PAPPA2: variants seen among roughly 807,000 people sequenced by gnomAD.
PAPPA2 encodes pappalysin-2.
PAPPA2 carries 86 observed loss-of-function variants against 176.4 expected under a neutral mutation model. The observed-to-expected ratio is 0.49, with a 90% CI of 0.41 to 0.58. The LOEUF (loss-of-function observed/expected upper bound fraction) is 0.58, where lower values mean the gene tolerates loss of function less well. Among genes scored for constraint, PAPPA2 ranks in the 20% least tolerant of loss-of-function variants. PAPPA2 has a pLI of 0.00. For missense variants in PAPPA2, 2,073 were observed against 2,256.9 expected, an observed-to-expected ratio of 0.92 and a Z score of 1.65; for synonymous variants, 809 against 852.2, an observed-to-expected ratio of 0.95 and a Z score of 0.88.
intron 2 of PAPPA2, among the ~76,000 whole-genome samples, chr1:176,575,416 C>T (rs914098230): frequency 3.3e-5 from 5 of 152,124 alleles, no homozygotes; most frequent in South Asian, 4.1e-4. Flanking sequence ...CATGTCTTAC[C>T]TCTGAAATCC....
chr1:176,556,040 C>T lies in PAPPA2; in HGVS notation c.-283C>T, dbSNP rs992592860. 1.4e-5 allele frequency: 5 copies of T among 350,394 alleles called. No individual in the cohort carries two copies. The highest frequency in any genetic ancestry group is 2.6e-5 in the Non-Finnish European group (5 of 194,432). 21.7% of individuals were successfully genotyped at this position (350,394 alleles called of 1,614,324 possible). ...CAAAGGAACCAAGAGAAATTAACTT[C>T]GTTCTGCAAGGACTAAAGTACAGCA... On this transcript the variant is annotated 5_prime_UTR_variant, in exon 2 of 23. Coordinates refer to ENST00000367662, the MANE Select transcript of PAPPA2 (RefSeq NM_020318.3).
At chr1:176,466,598 A>G (rs1161177775) in intron 1 of PAPPA2, among the ~76,000 whole-genome samples, 1 of 152,196 alleles carries the variant, frequency 6.6e-6, no homozygotes, top group East Asian at 1.9e-4. Flanking sequence ...AGTGCTTTAG[A>G]AATCAGGGAA....
chr1:176,571,173 C>G (rs1652306799), intron 2 of PAPPA2, among the ~76,000 whole-genome samples: 1 of 152,174 alleles, frequency 6.6e-6, no homozygotes, highest in South Asian at 2.1e-4. Context: ...CCAGAATGAA[C>G]CATGTTCCTT....
intron 3 of PAPPA2, among the ~76,000 whole-genome samples, chr1:176,631,483 C>G (rs1187068300): frequency 6.6e-6 from 1 of 152,098 alleles, no homozygotes; most frequent in Admixed American, 6.5e-5. Context: ...GCACACATCT[C>G]TCAATGCACT....
chr1:176,651,890 A>G (rs565539923), intron 3 of PAPPA2, among the ~76,000 whole-genome samples: 2 of 149,044 alleles, frequency 1.3e-5, no homozygotes, highest in South Asian at 2.1e-4. Context: ...TGAGCTCACT[A>G]TTTTTTTTCC....
intron 1 of PAPPA2, among the ~76,000 whole-genome samples, chr1:176,519,689 A>G (rs1244951700): frequency 2.0e-5 from 3 of 152,222 alleles, no homozygotes; most frequent in Non-Finnish European, 4.4e-5. Flanking sequence ...ATGACTGCCT[A>G]TCACCTGTCC....
At chr1:176,587,214 A>G (rs1040535943) in intron 2 of PAPPA2, among the ~76,000 whole-genome samples, 1 of 152,100 alleles carries the variant, frequency 6.6e-6, no homozygotes, top group Admixed American at 6.5e-5. Flanking sequence ...GATAGACTGC[A>G]AAAATTTTCA....
At chr1:176,768,306 A>G (rs545966664) in intron 15 of PAPPA2, among the ~76,000 whole-genome samples, 5 of 151,804 alleles carry the variant, frequency 3.3e-5, no homozygotes, top group Admixed American at 6.6e-5. Flanking sequence ...ATTCTGTGGA[A>G]CTTCTCCTAC....
intron 16 of PAPPA2, 49 bp downstream of exon 16, chr1:176,769,833 C>T (rs369154567): frequency 2.3e-5 from 35 of 1,522,510 alleles, no homozygotes; most frequent in Admixed American, 8.6e-5. Flanking sequence ...TGCCATCCCT[C>T]GCTCTTGAGG....
At chr1:176,493,250 AC>A (rs1647390273) in intron 1 of PAPPA2, among the ~76,000 whole-genome samples, 1 of 152,280 alleles carries the variant, frequency 6.6e-6, no homozygotes, top group African/African-American at 2.4e-5. Flanking sequence ...CCTACTCTGC[AC>A]CCCTGAATCT....
chr1:176,598,409 C>T (rs1415749559), intron 3 of PAPPA2, among the ~76,000 whole-genome samples: 1 of 152,188 alleles, frequency 6.6e-6, no homozygotes, highest in Non-Finnish European at 1.5e-5. Flanking sequence ...CTTGCCCTTG[C>T]ATCCTTCCAT....
chr1:176,791,590 G>T (rs1665181877), intron 19 of PAPPA2, 108 bp downstream of exon 19: 1 of 1,330,836 alleles, frequency 7.5e-7, no homozygotes, highest in Non-Finnish European at 1.0e-6. Flanking sequence ...GTCTTGCTCT[G>T]TCGCCCAGGC....
chr1:176,657,507 A>C (rs1455267141), intron 3 of PAPPA2, among the ~76,000 whole-genome samples: 2 of 151,986 alleles, frequency 1.3e-5, no homozygotes, highest in Admixed American at 6.6e-5. Context: ...AGGAGTGCAA[A>C]ACACGGAACA....
At chr1:176,608,201 TTTAAAAATA>T (rs1391875281) in intron 3 of PAPPA2, among the ~76,000 whole-genome samples, 15 of 152,362 alleles carry the variant, frequency 9.8e-5, no homozygotes, top group African/African-American at 3.6e-4. Flanking sequence ...ACATTAGGCA[TTTAAAAATA>T]TTTTACATCA....
rs2294654 is a variant in PAPPA2 at position 176,556,058 on chromosome 1, G to A, written c.-265G>A. 176,212 of 440,032 alleles carry A rather than the reference G, an allele frequency of 0.4. 42,320 individuals carry two copies. The highest frequency in any genetic ancestry group is 0.78 in the African/African-American group (39,294 of 50,122). The allele number at this position is 440,032 out of a possible 1,614,324, so 27.3% of individuals were successfully genotyped here. A position where few individuals can be genotyped will look rare whatever the true frequency, so the allele number is the denominator to read the frequency against. ...TTAACTTCGTTCTGCAAGGACTAAA[G>A]TACAGCAAGAGGAGAGAGGTCAAGC... On this transcript the variant is annotated 5_prime_UTR_variant, in exon 2 of 23. Coordinates refer to ENST00000367662, the MANE Select transcript of PAPPA2 (RefSeq NM_020318.3).
At chr1:176,520,245 T>C (rs1429787624) in intron 1 of PAPPA2, among the ~76,000 whole-genome samples, 2 of 152,220 alleles carry the variant, frequency 1.3e-5, no homozygotes, top group Admixed American at 6.5e-5. Flanking sequence ...TGGATCCACA[T>C]ACAAGGCTGG....
chr1:176,551,178 A>G (rs11582517), intron 1 of PAPPA2, among the ~76,000 whole-genome samples: 12,041 of 152,294 alleles, frequency 0.079, 592 homozygotes, highest in Middle Eastern at 0.18. Flanking sequence ...TGAGCACCAG[A>G]GCCAGGGGAG....
intron 12 of PAPPA2, among the ~76,000 whole-genome samples, chr1:176,733,935 T>G (rs1204777429): frequency 6.6e-6 from 1 of 151,724 alleles, no homozygotes; most frequent in Non-Finnish European, 1.5e-5. Flanking sequence ...TGTATACCAC[T>G]CACCCCAACC....
chr1:176,578,792 T>G lies in PAPPA2; in HGVS notation c.920-15732T>G, dbSNP rs752241368. 8.6e-4 allele frequency among the ~76,000 whole-genome samples: 131 copies of G among 152,254 alleles called. 1 individual carries two copies. Among genetic ancestry groups the G allele is most frequent in the Middle Eastern group, 3.4e-3 (1 of 294 alleles). On this transcript the variant is annotated intron_variant, in intron 2 of 22. Coordinates refer to ENST00000367662, the MANE Select transcript of PAPPA2 (RefSeq NM_020318.3). ...ATATAACCTCTCAGAAAGGGGCACT[T>G]TTTGCTTTTCCATTTATGTAAACAC... is the stretch of plus-strand genomic sequence containing the variant.
Sources: gnomAD v4.1 joint callset for allele counts (sites outside exome capture counted in the v4.1 genomes callset) on GRCh38, gnomAD v4.1.1 for gene constraint, MANE v1.5 for transcripts, NCBI Gene and HGNC (gene_info 2026-07-23, HGNC 2026-07-21) for gene names.